CTNNA1: variants seen among roughly 807,000 people sequenced by gnomAD.
The protein encoded by CTNNA1 is catenin alpha-1.
In CTNNA1, 37 loss-of-function variants were observed where a neutral mutation model predicts 98.4. The ratio of observed to expected loss-of-function variants is 0.38; its 90% CI spans 0.29 to 0.49. CTNNA1 has a LOEUF of 0.49. Among genes scored for constraint, CTNNA1 ranks in the 20% least tolerant of loss-of-function variants. The probability of loss-of-function intolerance (pLI) is 0.95; values close to 1 mark genes in which losing one functional copy is unlikely to be tolerated. For missense variants in CTNNA1, 761 were observed against 1,147.2 expected (o/e 0.66, Z 4.86); for synonymous variants, 404 against 413.2 (o/e 0.98, Z 0.27).
chr5:138,867,108 C>T (rs1202850737), intron 7 of CTNNA1, among the ~76,000 whole-genome samples: 1 of 152,206 alleles, frequency 6.6e-6, no homozygotes, highest in African/African-American at 2.4e-5. Flanking sequence ...CTGCTTTTAA[C>T]TCTATCAAGT....
chr5:138,764,047 C>T lies in CTNNA1; in HGVS notation c.-3+10537C>T, dbSNP rs965166806. ...TAAAAATACAAAAAATTGCAGGGCG[C>T]GGTGTCTCACACTTGTAATCCCAGC... On this transcript the variant is annotated intron_variant, in intron 1 of 17. Transcript: ENST00000302763. 3.3e-5 allele frequency among the ~76,000 whole-genome samples: 5 copies of T among 152,166 alleles called. No homozygotes were observed. The South Asian group carries it at 8.3e-4, about 25-fold the overall frequency.
At chr5:138,807,630 A>T (rs147982386) in intron 3 of CTNNA1, among the ~76,000 whole-genome samples, 4 of 152,006 alleles carry the variant, frequency 2.6e-5, no homozygotes, top group Non-Finnish European at 5.9e-5. Context: ...TTGGAAGTGG[A>T]TTTGTTTGTT....
rs750464243 is a variant in CTNNA1, at chr5:138,934,182, A to ACTAGATT, written c.*95_*101dup. 4.4e-6 allele frequency: 4 copies of ACTAGATT among 901,548 alleles called. No homozygotes were observed. The highest frequency in any genetic ancestry group is 2.4e-5 in the Admixed American group (1 of 42,406). The allele number at this position is 901,548 out of a possible 1,614,324, so 55.8% of individuals were successfully genotyped here. On this transcript the variant is annotated 3_prime_UTR_variant, in exon 18 of 18. Coordinates refer to ENST00000302763, the MANE Select transcript of CTNNA1 (RefSeq NM_001903.5). ...TGAATTTGCTAAATACAACACTGAT[A>ACTAGATT]CTAGATTCCACAGGGAAATGGGCAG...
chr5:138,882,722 G>A (rs778260201), intron 7 of CTNNA1, among the ~76,000 whole-genome samples: 1 of 152,180 alleles, frequency 6.6e-6, no homozygotes, highest in South Asian at 2.1e-4. Context: ...TACGCTACAG[G>A]GTTGCTTTTC....
At chr5:138,773,823 T>G (rs1753806831) in intron 1 of CTNNA1, among the ~76,000 whole-genome samples, 1 of 151,978 alleles carries the variant, frequency 6.6e-6, no homozygotes, top group Non-Finnish European at 1.5e-5. Flanking sequence ...GCGATCCTCC[T>G]GCCTCAGCCT....
At chr5:138,760,743 A>G (rs1428655653) in intron 1 of CTNNA1, among the ~76,000 whole-genome samples, 5 of 152,172 alleles carry the variant, frequency 3.3e-5, no homozygotes, top group African/African-American at 7.2e-5. Context: ...AATTTTTCCA[A>G]ATTCCTCTCC....
chr5:138,927,094 C>A (rs970507045), intron 13 of CTNNA1, among the ~76,000 whole-genome samples: 2 of 152,188 alleles, frequency 1.3e-5, no homozygotes, highest in Non-Finnish European at 2.9e-5. Flanking sequence ...TCTAAGCCAC[C>A]AGCACCTCTC....
chr5:138,856,162 C>T (rs939215016), intron 7 of CTNNA1, among the ~76,000 whole-genome samples: 3 of 152,058 alleles, frequency 2.0e-5, no homozygotes, highest in Admixed American at 2.0e-4. Context: ...GATAGCCATG[C>T]CACATACTTC....
At chr5:138,931,233 C>G (rs1450282644) in intron 16 of CTNNA1, among the ~76,000 whole-genome samples, 2 of 152,198 alleles carry the variant, frequency 1.3e-5, no homozygotes, top group Admixed American at 1.3e-4. Context: ...GTGGCCAGTG[C>G]TGTGGAAGGC....
At chr5:138,783,443 T>C (rs1755356463) in intron 3 of CTNNA1, 71 bp downstream of exon 3, 1 of 1,348,928 alleles carries the variant, frequency 7.4e-7, no homozygotes, top group South Asian at 1.4e-5. Flanking sequence ...AAGATTTTTT[T>C]TGTGGTCAGT....
rs28363448 is a variant in CTNNA1 at position 138,888,259 on chromosome 5, C to T, written c.1296+617C>T. Among the ~76,000 whole-genome samples, 762 of 152,218 alleles carry T rather than the reference C, an allele frequency of 5.0e-3. 8 individuals carry two copies. Among genetic ancestry groups the T allele is most frequent in the Non-Finnish European group, 3.2e-3 (217 of 68,020 alleles). On this transcript the variant is annotated intron_variant, in intron 9 of 17. Coordinates refer to ENST00000302763, the MANE Select transcript of CTNNA1 (RefSeq NM_001903.5). ...AGGGTGGCAAGAAGAAAGAGTGAAT[C>T]GTGACTTATTTCGCAGGTAAGTTAG...
At chr5:138,799,212 G>T (rs1757283833) in intron 3 of CTNNA1, among the ~76,000 whole-genome samples, 1 of 152,134 alleles carries the variant, frequency 6.6e-6, no homozygotes, top group African/African-American at 2.4e-5. Context: ...CCAGGCTGGA[G>T]TGCAATGGCG....
chr5:138,913,962 C>A (rs1019290987), intron 10 of CTNNA1, among the ~76,000 whole-genome samples: 2 of 152,298 alleles, frequency 1.3e-5, no homozygotes, highest in South Asian at 2.1e-4. Flanking sequence ...GCAATCCCCC[C>A]ACCTCGGCCT....
In CTNNA1 at chr5:138,904,346, T is replaced by C. The variant is rs755313774; in HGVS notation, c.1297-3T>C. 1 of 1,611,756 alleles carries C rather than the reference T, an allele frequency of 6.2e-7. No individual in the cohort carries two copies. Among genetic ancestry groups the C allele is most frequent in the South Asian group, 1.1e-5 (1 of 90,782 alleles). On this transcript the variant is annotated splice_region_variant and splice_polypyrimidine_tract_variant and intron_variant, in intron 9 of 17. Coordinates refer to ENST00000302763, the MANE Select transcript of CTNNA1 (RefSeq NM_001903.5). ...CTTTAAAGATTATTTTTTATGTTTA[T>C]AGGTTGCCAACTTGGCCTGTTCCAT...
At chr5:138,866,273 C>CACTTATTT (rs1554092190) in intron 7 of CTNNA1, among the ~76,000 whole-genome samples, 2 of 138,546 alleles carry the variant, frequency 1.4e-5, no homozygotes, top group African/African-American at 5.3e-5. Context: ...TGTTGTAACT[C>CACTTATTT]ATTTATTTAT....
chr5:138,887,408 A>G lies in CTNNA1; in HGVS notation c.1144-82A>G, dbSNP rs559503063. The G allele has an allele frequency of 4.0e-6, 4 of 994,330 alleles. No individual in the cohort carries two copies. The Admixed American group carries it at 7.8e-5, about 19-fold the overall frequency. 61.6% of individuals were successfully genotyped at this position (994,330 alleles called of 1,614,324 possible). ...GTCTACCGTAAGCTTCATTAGATTTAAGTGTACAAGAGAATAAAAAGCAAT... is the reference window on the plus strand; with the variant it reads ...GTCTACCGTAAGCTTCATTAGATTTGAGTGTACAAGAGAATAAAAAGCAAT... On this transcript the variant is annotated intron_variant, in intron 8 of 17. Coordinates refer to ENST00000302763, the MANE Select transcript of CTNNA1 (RefSeq NM_001903.5).
intron 10 of CTNNA1, among the ~76,000 whole-genome samples, chr5:138,913,712 A>G (rs1019320673): frequency 1.6e-4 from 24 of 152,254 alleles, no homozygotes; most frequent in African/African-American, 5.5e-4. Flanking sequence ...TTCTTTGGCT[A>G]GAAAGTCCAT....
At chr5:138,781,602 A>G (rs1252134169) in intron 1 of CTNNA1, among the ~76,000 whole-genome samples, 1 of 151,806 alleles carries the variant, frequency 6.6e-6, no homozygotes, top group African/African-American at 2.4e-5. Flanking sequence ...TTAGCTTTTC[A>G]TCTTGTTTCT....
chr5:138,775,672 T>G (rs1438278906), intron 1 of CTNNA1, among the ~76,000 whole-genome samples: 1 of 151,964 alleles, frequency 6.6e-6, no homozygotes, highest in Non-Finnish European at 1.5e-5. Flanking sequence ...CCAGAATCAC[T>G]GTGTTTAAGT....
Sources: allele counts gnomAD v4.1 joint callset (sites outside exome capture counted in the v4.1 genomes callset), GRCh38; gene constraint gnomAD v4.1.1; transcripts MANE v1.5; gene names NCBI Gene and HGNC (gene_info 2026-07-23, HGNC 2026-07-21).